Variants in ESRRG observed in about 807,000 individuals in gnomAD.
The protein encoded by ESRRG is estrogen-related receptor gamma.
A neutral mutation model predicts 44.0 loss-of-function variants in ESRRG; 13 were observed. The ratio of observed to expected loss-of-function variants is 0.30; its 90% CI spans 0.19 to 0.47. The LOEUF (loss-of-function observed/expected upper bound fraction) is 0.47, where lower values mean the gene tolerates loss of function less well. ESRRG is among the 20% of genes least tolerant of loss of function. The pLI is 1.00. For synonymous variants in ESRRG, 215 were observed against 214.6 expected (o/e 1.00, Z -0.02); for missense variants, 395 against 580.6 (o/e 0.68, Z 3.29).
intron 1 of ESRRG, among the ~76,000 whole-genome samples, chr1:217,025,607 C>T (rs759945903): frequency 6.6e-6 from 1 of 152,318 alleles, no homozygotes; most frequent in East Asian, 1.9e-4. Flanking sequence ...CCTGCCAAAG[C>T]TGTTTGCCAG....
In ESRRG at chr1:216,987,721, G is replaced by T. The variant is rs1560376798; in HGVS notation, c.-105-48048C>A. On this transcript the variant is annotated intron_variant, in intron 1 of 7. Transcript: ENST00000359162. ...ACTCCCATCCCTTCTTCCTTACCAA[G>T]TTAGTGAAGGCTGGCTTATCTGCCA... 2.0e-5 allele frequency among the ~76,000 whole-genome samples: 3 copies of T among 152,130 alleles called. No homozygotes were observed. The South Asian group carries it at 6.2e-4, about 32-fold the overall frequency.
At chr1:217,136,793 C>G (rs2093056134) in intron 1 of ESRRG, among the ~76,000 whole-genome samples, 1 of 152,206 alleles carries the variant, frequency 6.6e-6, no homozygotes, top group Non-Finnish European at 1.5e-5. Context: ...AACAGACACT[C>G]GCTCCATACA....
chr1:216,554,526 C>T (rs1267221913), intron 5 of ESRRG, among the ~76,000 whole-genome samples: 2 of 151,710 alleles, frequency 1.3e-5, no homozygotes, highest in African/African-American at 2.4e-5. Flanking sequence ...ATCTCAGCTA[C>T]TTAGGAGGCT....
intron 1 of ESRRG, among the ~76,000 whole-genome samples, chr1:217,098,747 T>C (rs930750370): frequency 2.6e-5 from 4 of 152,196 alleles, no homozygotes; most frequent in African/African-American, 7.2e-5. Flanking sequence ...TCATTCTAAG[T>C]TTCCAAAACT....
chr1:217,007,339 C>T (rs2077887558), intron 1 of ESRRG, among the ~76,000 whole-genome samples: 1 of 152,066 alleles, frequency 6.6e-6, no homozygotes, highest in South Asian at 2.1e-4. Context: ...TTTTCCCATA[C>T]TTCTATGTTA....
At chr1:216,579,085 CAATTT>C (rs2062225528) in intron 3 of ESRRG, among the ~76,000 whole-genome samples, 1 of 152,086 alleles carries the variant, frequency 6.6e-6, no homozygotes, top group African/African-American at 2.4e-5. Context: ...GTTTCCTGTT[CAATTT>C]ATTTCCATCT....
chr1:216,820,604 A>C (rs983252561), intron 2 of ESRRG, among the ~76,000 whole-genome samples: 2 of 152,286 alleles, frequency 1.3e-5, no homozygotes, highest in South Asian at 4.1e-4. Context: ...TCTTGTGTGA[A>C]CCAAGATGTG....
intron 2 of ESRRG, among the ~76,000 whole-genome samples, chr1:216,784,973 A>G (rs11117675): frequency 0.1 from 15,342 of 152,050 alleles, 1,146 homozygotes; most frequent in African/African-American, 0.2. Context: ...AGGAGATAAC[A>G]CTTGCAAAAT....
chr1:216,585,648 G>A (rs1215694078), intron 3 of ESRRG, among the ~76,000 whole-genome samples: 1 of 152,100 alleles, frequency 6.6e-6, no homozygotes, highest in Non-Finnish European at 1.5e-5. Context: ...AAATCATTAT[G>A]ACATATTCTA....
chr1:216,545,793 T>C (rs998600416), intron 5 of ESRRG, among the ~76,000 whole-genome samples: 2 of 152,030 alleles, frequency 1.3e-5, no homozygotes, highest in African/African-American at 4.8e-5. Flanking sequence ...AAATGTTCCC[T>C]GGCCACTTTT....
intron 1 of ESRRG, among the ~76,000 whole-genome samples, chr1:217,025,034 C>T (rs2150961107): frequency 6.6e-6 from 1 of 152,280 alleles, no homozygotes; most frequent in African/African-American, 2.4e-5. Context: ...CCCCTGCATA[C>T]ACTCACCACC....
At chr1:216,842,235 C>T (rs1428950314) in intron 2 of ESRRG, among the ~76,000 whole-genome samples, 1 of 152,128 alleles carries the variant, frequency 6.6e-6, no homozygotes, top group Non-Finnish European at 1.5e-5. Flanking sequence ...ACTTCCTTTT[C>T]ATTTTTTGTC....
intron 1 of ESRRG, among the ~76,000 whole-genome samples, chr1:217,070,686 T>C (rs983550617): frequency 3.3e-5 from 5 of 152,212 alleles, no homozygotes; most frequent in African/African-American, 4.8e-5. Flanking sequence ...CAGACCAATG[T>C]TAAAATCTGG....
In ESRRG at chr1:217,079,062, C is replaced by T. The variant is rs11117769; in HGVS notation, c.-106+10445G>A. Among the ~76,000 whole-genome samples, 1,442 of 152,202 alleles carry T rather than the reference C, an allele frequency of 9.5e-3. 22 individuals are homozygous for T. The highest frequency in any genetic ancestry group is 0.033 in the African/African-American group (1,364 of 41,548). On this transcript the variant is annotated intron_variant, in intron 1 of 7. Coordinates refer to the ESRRG transcript ENST00000359162. ...TGGAATCACCTTCTTTATTATCATC[C>T]TTAACATAGAAGAGAGTGAAAATTC...
At chr1:216,807,353 A>G (rs984260725) in intron 2 of ESRRG, among the ~76,000 whole-genome samples, 1 of 152,156 alleles carries the variant, frequency 6.6e-6, no homozygotes, top group Non-Finnish European at 1.5e-5. Flanking sequence ...TTCAGGTCTG[A>G]TAGTCATATT....
At chr1:216,570,312 T>C (rs990562823) in intron 3 of ESRRG, among the ~76,000 whole-genome samples, 2 of 152,224 alleles carry the variant, frequency 1.3e-5, no homozygotes, top group Non-Finnish European at 2.9e-5. Context: ...CCATGCATGT[T>C]GTTCACAAAG....
intron 1 of ESRRG, among the ~76,000 whole-genome samples, chr1:217,032,455 T>C (rs192807422): frequency 6.6e-6 from 1 of 152,310 alleles, no homozygotes; most frequent in Non-Finnish European, 1.5e-5. Flanking sequence ...TGATGGTCAA[T>C]ACAGGATGAC....
chr1:217,120,798 G>A (rs183670627), intron 1 of ESRRG, among the ~76,000 whole-genome samples: 2 of 152,104 alleles, frequency 1.3e-5, no homozygotes, highest in East Asian at 3.9e-4. Context: ...TCCCTTAGTA[G>A]GCCTCCTATA....
chr1:216,744,484 GCA>G (rs57621941), intron 2 of ESRRG, among the ~76,000 whole-genome samples: 4,989 of 149,384 alleles, frequency 0.033, 133 homozygotes, highest in African/African-American at 0.068. Flanking sequence ...ACACAGACAT[GCA>G]CACACACACA....
Sources: allele counts gnomAD v4.1 joint callset (sites outside exome capture counted in the v4.1 genomes callset), GRCh38; gene constraint gnomAD v4.1.1; transcripts MANE v1.5; gene names NCBI Gene and HGNC (gene_info 2026-07-23, HGNC 2026-07-21).